Variants in CSN1S1 observed in about 807,000 individuals in gnomAD.
The protein encoded by CSN1S1 is casein alpha s1, also known as alpha-S1-casein.
In CSN1S1, 63 loss-of-function variants were observed where a neutral mutation model predicts 49.1. The ratio of observed to expected loss-of-function variants is 1.28; its 90% CI spans 1.05 to 1.58. CSN1S1 has a LOEUF of 1.58. Among genes scored for constraint, CSN1S1 ranks in the 40% most tolerant of loss-of-function variants. The pLI is 0.00. For missense variants in CSN1S1, 260 were observed against 224.7 expected, an observed-to-expected ratio of 1.16 and a Z score of -1.01; for synonymous variants, 78 against 67.1, an observed-to-expected ratio of 1.16 and a Z score of -0.79.
At chr4:69,945,787 C>T (rs923047583) in intron 15 of CSN1S1, among the ~76,000 whole-genome samples, 1 of 151,914 alleles carries the variant, frequency 6.6e-6, no homozygotes, top group African/African-American at 2.4e-5. Context: ...TCTGTCAACA[C>T]CACTTAAAAA....
chr4:69,943,894 G>A (rs1723063833), intron 14 of CSN1S1, among the ~76,000 whole-genome samples: 1 of 151,916 alleles, frequency 6.6e-6, no homozygotes, highest in Non-Finnish European at 1.5e-5. Flanking sequence ...GAACTAATCA[G>A]TTCTTCAAAG....
At chr4:69,946,134 G>C in intron 15 of CSN1S1, 62 bp from the exon 16 acceptor site, 1 of 453,086 alleles carries the variant, frequency 2.2e-6, no homozygotes, top group Non-Finnish European at 4.1e-6. Context: ...TACCATAAGA[G>C]CTTTTCTTTT....
intron 11 of CSN1S1, 49 bp downstream of exon 11, chr4:69,940,093 A>G: frequency 1.2e-6 from 1 of 821,962 alleles, no homozygotes; most frequent in Non-Finnish European, 1.8e-6. Flanking sequence ...TTCCAGGATA[A>G]TTAAAATGCA....
intron 5 of CSN1S1, 131 bp from the exon 6 acceptor site, chr4:69,936,321 ATTAG>A: frequency 1.4e-6 from 1 of 738,746 alleles, no homozygotes; most frequent in East Asian, 2.7e-5. Context: ...AATAAGGAAT[ATTAG>A]TTCATTCAGG....
At chr4:69,933,789 G>T (rs1341840767) in intron 2 of CSN1S1, among the ~76,000 whole-genome samples, 1 of 151,866 alleles carries the variant, frequency 6.6e-6, no homozygotes, top group Non-Finnish European at 1.5e-5. Context: ...AACCCAGAAA[G>T]CGTTTGAATT....
chr4:69,943,204 AGAC>A (rs1723032985), intron 14 of CSN1S1, among the ~76,000 whole-genome samples: 1 of 142,718 alleles, frequency 7.0e-6, no homozygotes, highest in African/African-American at 2.6e-5. Context: ...TATTATTATT[AGAC>A]AGATTCTCAC....
rs1380624659 is a variant in CSN1S1 at position 69,942,524 on chromosome 4, C to T, written c.361-12C>T. 6.3e-7 allele frequency: 1 copy of T among 1,577,392 alleles called. No individual in the cohort carries two copies. Among genetic ancestry groups the T allele is most frequent in the Non-Finnish European group, 8.6e-7 (1 of 1,159,076 alleles). ...TGTCTAAGTAATTTAGAATGTGTTT[C>T]CTTTTATGCAGGAGCAAATTCGCAG... is the stretch of plus-strand genomic sequence containing the variant. On this transcript the variant is annotated splice_polypyrimidine_tract_variant and intron_variant, in intron 13 of 15. Coordinates refer to ENST00000246891, the MANE Select transcript of CSN1S1 (RefSeq NM_001890.2).
rs1358187566 is a variant in CSN1S1 at position 69,932,721 on chromosome 4, TG to T, written c.51+117del. The T allele has an allele frequency of 7.5e-6, 7 of 931,040 alleles. No homozygotes were observed. In the African/African-American group the frequency reaches 1.1e-4, roughly 15 times the overall value. 57.7% of individuals were successfully genotyped at this position (931,040 alleles called of 1,614,324 possible). On this transcript the variant is annotated intron_variant, in intron 2 of 15. Coordinates refer to ENST00000246891, the MANE Select transcript of CSN1S1 (RefSeq NM_001890.2). ...CTTAAAGCACTGGATGATCTCTAATTGGCCTCTGAAGTCTTGACAATAGAAA... is the reference window on the plus strand; with the variant it reads ...CTTAAAGCACTGGATGATCTCTAATTGCCTCTGAAGTCTTGACAATAGAAA...
In CSN1S1 at chr4:69,935,956, A is replaced by C. The variant is rs558179034; in HGVS notation, c.129+7A>C. ...ACCATTAGAATCAAGAGAGGTAAGA[A>C]TGACTCCACAGAATTTACCGTGCAA... On this transcript the variant is annotated splice_region_variant and intron_variant, in intron 5 of 15. Transcript: ENST00000246891. The C allele has an allele frequency of 1.9e-6, 3 of 1,539,930 alleles. No homozygotes were observed. In the South Asian group the frequency reaches 3.6e-5, roughly 18 times the overall value.
At position 69,936,570 on chromosome 4, in the gene CSN1S1, G is replaced by A; in HGVS notation, c.158G>A (p.Arg53Lys). The A allele has an allele frequency of 6.2e-7, 1 of 1,605,866 alleles. No homozygotes were observed. Among genetic ancestry groups the A allele is most frequent in the Non-Finnish European group, 8.5e-7 (1 of 1,175,750 alleles). ...GGTACACTTTATTGATTTTAGCAGA[G>A]AAACATTCTGAGAGAAAAACAGACT... is the stretch of plus-strand genomic sequence containing the variant. ...EEYMNGMNRQRNILREKQTDE... is the reference protein window; with the variant it reads ...EEYMNGMNRQKNILREKQTDE... The change falls in exon 7 of 16, where the codon AGA becomes AAA. Residue 53 changes from arginine (R) to lysine (K), a missense_variant. By Grantham distance (26) the Arg-to-Lys change is conservative. Coordinates refer to ENST00000246891, the MANE Select transcript of CSN1S1 (RefSeq NM_001890.2).
chr4:69,937,084 C>A lies in CSN1S1; in HGVS notation c.196-37C>A, dbSNP rs1345546493. On this transcript the variant is annotated intron_variant, in intron 7 of 15. Transcript: ENST00000246891. Reference sequence around the variant, plus strand: ...TGAGATAAAATATATATCTTCTTAACAATCTGTCATACCTAACTGATTGAC... The same window carrying A: ...TGAGATAAAATATATATCTTCTTAAAAATCTGTCATACCTAACTGATTGAC... 1.2e-5 allele frequency: 18 copies of A among 1,513,120 alleles called. No individual in the cohort carries two copies. In the East Asian group the frequency reaches 3.5e-4, roughly 29 times the overall value. The allele number at this position is 1,513,120 out of a possible 1,614,324, so 93.7% of individuals were successfully genotyped here. A position where few individuals can be genotyped will look rare whatever the true frequency, so the allele number is the denominator to read the frequency against.
Position 69,936,983 on chromosome 4 carries a change from C to T in CSN1S1, c.196-138C>T, listed in dbSNP as rs1375184394. On this transcript the variant is annotated intron_variant, in intron 7 of 15. Transcript: ENST00000246891. ...GTCATACTCAATTATTTTCTTTAAC[C>T]ATAACATCTTTGATTTGGATTGTCT... 4.4e-6 allele frequency: 3 copies of T among 681,664 alleles called. No individual in the cohort carries two copies. In the East Asian group the frequency reaches 8.8e-5, roughly 20 times the overall value. 42.2% of individuals were successfully genotyped at this position (681,664 alleles called of 1,614,324 possible).
At chr4:69,940,923 A>G in intron 11 of CSN1S1, 96 bp from the exon 12 acceptor site, 1 of 629,026 alleles carries the variant, frequency 1.6e-6, no homozygotes, top group South Asian at 2.2e-5. Flanking sequence ...TACCCTTGGG[A>G]AAGAGCATTG....
At chr4:69,937,778 T>G in intron 8 of CSN1S1, 22 bp from the exon 9 acceptor site, 1 of 1,578,322 alleles carries the variant, frequency 6.3e-7, no homozygotes, top group Non-Finnish European at 8.6e-7. Context: ...AAAATGAAAT[T>G]GATTATTTTT....
chr4:69,933,860 G>A (rs1003591664), intron 2 of CSN1S1, among the ~76,000 whole-genome samples: 1 of 151,778 alleles, frequency 6.6e-6, no homozygotes. Flanking sequence ...TAGAACTATG[G>A]TGTAATATAT....
At chr4:69,938,441 G>T (rs1448054529) in intron 9 of CSN1S1, among the ~76,000 whole-genome samples, 1 of 123,220 alleles carries the variant, frequency 8.1e-6, no homozygotes, top group African/African-American at 2.7e-5. Context: ...GTCAACCCAC[G>T]CCCCTCTCCC....
chr4:69,940,981 A>G, intron 11 of CSN1S1, 38 bp from the exon 12 acceptor site: 1 of 1,122,722 alleles, frequency 8.9e-7, no homozygotes, highest in Non-Finnish European at 1.3e-6. Flanking sequence ...GGACTGAATG[A>G]CATCCAAGCA....
At chr4:69,932,928 C>G (rs1578130593) in intron 2 of CSN1S1, among the ~76,000 whole-genome samples, 1 of 151,878 alleles carries the variant, frequency 6.6e-6, no homozygotes, top group African/African-American at 2.4e-5. Flanking sequence ...TGTGATTAGG[C>G]CTGTTCCTTG....
intron 2 of CSN1S1, among the ~76,000 whole-genome samples, chr4:69,933,449 GAA>G: frequency 6.6e-6 from 1 of 151,926 alleles, no homozygotes; most frequent in Non-Finnish European, 1.5e-5. Flanking sequence ...TTCTCCTTTG[GAA>G]AGTGCAGAAT....
Sources: gnomAD v4.1 joint callset for allele counts (sites outside exome capture counted in the v4.1 genomes callset) on GRCh38, gnomAD v4.1.1 for gene constraint, MANE v1.5 for transcripts, NCBI Gene and HGNC (gene_info 2026-07-23, HGNC 2026-07-21) for gene names.